Variants in ASCC3 observed in about 807,000 individuals in gnomAD.
ASCC3 encodes activating signal cointegrator 1 complex subunit 3, also known as ASC-1 complex subunit P200.
In ASCC3, 158 loss-of-function variants were observed where a neutral mutation model predicts 256.3. That is an observed-to-expected ratio of 0.62 (90% CI 0.54 to 0.70). The LOEUF is 0.70. ASCC3 is among the 30% of genes least tolerant of loss of function. The probability of loss-of-function intolerance (pLI) is 0.00; values close to 1 mark genes in which losing one functional copy is unlikely to be tolerated. For synonymous variants in ASCC3, 948 were observed against 883.4 expected (o/e 1.07, Z -1.30); for missense variants, 2,259 against 2,626.0 (o/e 0.86, Z 3.05).
At chr6:100,631,278 T>G (rs901776173) in intron 25 of ASCC3, 65 bp from the exon 26 acceptor site, 24 of 1,319,514 alleles carry the variant, frequency 1.8e-5, no homozygotes, top group Middle Eastern at 4.0e-4. Context: ...GAAATAAAAG[T>G]AAACTCCAAA....
intron 1 of ASCC3, among the ~76,000 whole-genome samples, chr6:100,873,733 T>C (rs1773859008): frequency 6.6e-6 from 1 of 152,268 alleles, no homozygotes. Context: ...TCAGCCTCCT[T>C]AAACAAAACA....
chr6:100,783,564 T>C (rs1782548303), intron 8 of ASCC3, among the ~76,000 whole-genome samples: 1 of 152,182 alleles, frequency 6.6e-6, no homozygotes, highest in Admixed American at 6.5e-5. Flanking sequence ...GAATCTAGAC[T>C]ACCAGAAACC....
Position 100,508,891 on chromosome 6 carries a change from T to G in ASCC3, c.*495A>C, listed in dbSNP as rs1338101488. On this transcript the variant is annotated 3_prime_UTR_variant, in exon 42 of 42. Transcript: ENST00000369162. ...GACTACAAGAAATTCTTGAAGCTAC[T>G]TCTACATGTGATCATATCAAAGTAT... The G allele has an allele frequency of 6.2e-6, 1 of 161,118 alleles. No homozygotes were observed. Among genetic ancestry groups the G allele is most frequent in the Non-Finnish European group, 1.4e-5 (1 of 73,316 alleles). 10.0% of individuals were successfully genotyped at this position (161,118 alleles called of 1,614,324 possible).
chr6:100,704,438 G>T (rs1307535054), intron 13 of ASCC3, among the ~76,000 whole-genome samples: 5 of 151,906 alleles, frequency 3.3e-5, no homozygotes, highest in African/African-American at 1.2e-4. Context: ...TATATCTGGA[G>T]AATATAAACT....
At chr6:100,828,710 C>A (rs1771458772) in intron 4 of ASCC3, among the ~76,000 whole-genome samples, 1 of 152,074 alleles carries the variant, frequency 6.6e-6, no homozygotes, top group African/African-American at 2.4e-5. Flanking sequence ...GTCTGGCTGG[C>A]TTCAGGAGTG....
chr6:100,801,245 G>A (rs1374242193), intron 5 of ASCC3, among the ~76,000 whole-genome samples: 1 of 152,028 alleles, frequency 6.6e-6, no homozygotes, highest in Non-Finnish European at 1.5e-5. Context: ...TTCACTTACT[G>A]AAACTCTAAA....
chr6:100,799,581 A>T lies in ASCC3; in HGVS notation c.1128-9T>A. On this transcript the variant is annotated splice_polypyrimidine_tract_variant and intron_variant, in intron 6 of 41. Coordinates refer to ENST00000369162, the MANE Select transcript of ASCC3 (RefSeq NM_006828.4). ...TCAGAAGTGCCTGTTCTCTGTAAACATAAAAATAGGCCTAATTTGAAATGT... is the reference window on the plus strand; with the variant it reads ...TCAGAAGTGCCTGTTCTCTGTAAACTTAAAAATAGGCCTAATTTGAAATGT... The T allele has an allele frequency of 6.2e-7, 1 of 1,610,864 alleles. No homozygotes were observed. Among genetic ancestry groups the T allele is most frequent in the Non-Finnish European group, 8.5e-7 (1 of 1,178,774 alleles).
At chr6:100,579,691 C>T (rs905805827) in intron 36 of ASCC3, among the ~76,000 whole-genome samples, 2 of 152,026 alleles carry the variant, frequency 1.3e-5, no homozygotes, top group African/African-American at 2.4e-5. Flanking sequence ...TGGTCTATGT[C>T]TGTTTTTCTG....
chr6:100,510,782 T>C (rs1020522100), intron 40 of ASCC3, among the ~76,000 whole-genome samples: 2 of 152,340 alleles, frequency 1.3e-5, no homozygotes, highest in African/African-American at 4.8e-5. Context: ...GTCTTTATTT[T>C]AGATCAATTT....
At chr6:100,627,500 T>C in intron 29 of ASCC3, 90 bp downstream of exon 29, 1 of 1,534,112 alleles carries the variant, frequency 6.5e-7, no homozygotes, top group South Asian at 1.1e-5. Context: ...ACCAGTATCA[T>C]CCTTTCAAAG....
rs986839217 is a variant in ASCC3, at chr6:100,856,301, C to A, written c.242-7594G>T. 2.3e-5 allele frequency: 15 copies of A among 650,888 alleles called. No individual in the cohort carries two copies. In the African/African-American group the frequency reaches 3.0e-4, roughly 13 times the overall value. 40.3% of individuals were successfully genotyped at this position (650,888 alleles called of 1,614,324 possible). The stretch of plus-strand genomic sequence containing the variant: ...TAGGTAACACAAATATAAAAATAGG[C>A]ATGAGAATGAAAAACACCAATTTAT... On this transcript the variant is annotated intron_variant, in intron 3 of 41. Coordinates refer to ENST00000369162, the MANE Select transcript of ASCC3 (RefSeq NM_006828.4).
At chr6:100,674,658 A>T (rs1776917445) in intron 14 of ASCC3, among the ~76,000 whole-genome samples, 1 of 141,378 alleles carries the variant, frequency 7.1e-6, no homozygotes, top group South Asian at 2.2e-4. Context: ...TTTGAGACAG[A>T]GTCTCCCTCT....
chr6:100,641,520 C>T (rs1775118560), intron 24 of ASCC3, among the ~76,000 whole-genome samples: 1 of 152,138 alleles, frequency 6.6e-6, no homozygotes, highest in Non-Finnish European at 1.5e-5. Flanking sequence ...CTGTTCATAT[C>T]CTTTGCCCAC....
chr6:100,874,802 A>G (rs907459128), intron 1 of ASCC3, among the ~76,000 whole-genome samples: 1 of 152,172 alleles, frequency 6.6e-6, no homozygotes, highest in African/African-American at 2.4e-5. Context: ...GTGGGAGGGC[A>G]CTAGATATAA....
At chr6:100,670,536 G>C (rs114657835) in intron 14 of ASCC3, among the ~76,000 whole-genome samples, 2,115 of 151,298 alleles carry the variant, frequency 0.014, 43 homozygotes, top group African/African-American at 0.049. Context: ...AAATTCATCT[G>C]TGCATGTTCA....
At chr6:100,587,900 G>A (rs1025596163) in intron 36 of ASCC3, among the ~76,000 whole-genome samples, 1 of 152,008 alleles carries the variant, frequency 6.6e-6, no homozygotes, top group Non-Finnish European at 1.5e-5. Context: ...GTTTTTTTTG[G>A]CTTTTTTAGT....
chr6:100,805,694 T>C, intron 5 of ASCC3, 66 bp downstream of exon 5: 1 of 1,549,420 alleles, frequency 6.5e-7, no homozygotes, highest in Non-Finnish European at 8.8e-7. Context: ...TGTAATTACA[T>C]TAAAAACATT....
chr6:100,574,818 T>G (rs959541646), intron 36 of ASCC3, among the ~76,000 whole-genome samples: 2 of 152,080 alleles, frequency 1.3e-5, no homozygotes, highest in Non-Finnish European at 2.9e-5. Context: ...ATATTTGAGA[T>G]TGAGGACTTC....
chr6:100,708,959 G>GA (rs1276328279), intron 13 of ASCC3, among the ~76,000 whole-genome samples: 3 of 148,280 alleles, frequency 2.0e-5, no homozygotes, highest in African/African-American at 7.5e-5. Context: ...TGCCAATTAA[G>GA]AAAAAACTTC....
Sources: allele counts gnomAD v4.1 joint callset (sites outside exome capture counted in the v4.1 genomes callset), GRCh38; gene constraint gnomAD v4.1.1; transcripts MANE v1.5; gene names NCBI Gene and HGNC (gene_info 2026-07-23, HGNC 2026-07-21).